Variants in MYO16 observed in about 807,000 individuals in gnomAD.
The protein encoded by MYO16 is myosin XVI.
A neutral mutation model predicts 205.3 loss-of-function variants in MYO16; 94 were observed. That is an observed-to-expected ratio of 0.46 (90% CI 0.39 to 0.54). MYO16 has a LOEUF of 0.54. MYO16 is among the 20% of genes least tolerant of loss of function. The pLI is 0.00. For synonymous variants in MYO16, 988 were observed against 954.0 expected, an observed-to-expected ratio of 1.04 and a Z score of -0.66; for missense variants, 2,315 against 2,387.5, an observed-to-expected ratio of 0.97 and a Z score of 0.63.
intron 16 of MYO16, among the ~76,000 whole-genome samples, chr13:108,950,435 G>GTTT (rs879772535): frequency 1.3e-5 from 2 of 152,144 alleles, no homozygotes; most frequent in Non-Finnish European, 2.9e-5. Context: ...TAAGCATGTG[G>GTTT]AAAGGTGTTG....
chr13:109,140,398 G>A lies in MYO16; in HGVS notation c.4186G>A (p.Ala1396Thr). Residue 1396 changes from alanine to threonine, a missense_variant, in exon 32 of 35, where the codon GCG becomes ACG. By Grantham distance (58) the Ala-to-Thr change is moderately conservative. Around this residue, in one of 3 missense-constraint regions of MYO16, gnomAD observed 1,097 missense variants for 1,092.0 expected, o/e 1.00. Transcript: ENST00000457511. This position sits in a 1 kb window ranked among gnomAD's most constrained non-coding sequence, Gnocchi z 8.0. ...GATATCGGGGTCCCGGCCCGGGGAC[G>A]CGAGGCCCGCGGGCGCCCCGGGGGC... ...EEISGSRPGD[A>T]RPAGAPGAAA... is the part of the protein sequence containing the mutation. 2.5e-6 allele frequency: 4 copies of A among 1,591,104 alleles called. No homozygotes were observed. The highest frequency in any genetic ancestry group is 2.6e-6 in the Non-Finnish European group (3 of 1,174,216).
upstream of MYO16, among the ~76,000 whole-genome samples, chr13:108,626,172 CAT>C (rs1431270411): frequency 1.6e-4 from 25 of 151,928 alleles, no homozygotes; most frequent in African/African-American, 5.8e-4. Flanking sequence ...GAAAAAAAAT[CAT>C]GTGTTCATAT....
At chr13:108,717,905 C>A (rs571389954) in intron 3 of MYO16, among the ~76,000 whole-genome samples, 3 of 152,118 alleles carry the variant, frequency 2.0e-5, no homozygotes, top group Non-Finnish European at 4.4e-5. Context: ...AAGAAACATG[C>A]GTGTTTCATA....
chr13:108,888,561 A>G (rs1880011522), intron 14 of MYO16, 84 bp downstream of exon 14: 2 of 907,560 alleles, frequency 2.2e-6, no homozygotes, highest in East Asian at 5.2e-5. Flanking sequence ...GGGACATCAT[A>G]ATAGATACAA....
intron 23 of MYO16, among the ~76,000 whole-genome samples, chr13:109,043,771 C>A (rs150408416): frequency 0.035 from 5,276 of 152,170 alleles, 134 homozygotes; most frequent in South Asian, 0.057. Context: ...AGATGGCACC[C>A]TGGTTTCTAA....
Position 109,141,170 on chromosome 13 carries a change from C to T in MYO16, c.4958C>T (p.Ser1653Phe). 3.7e-6 allele frequency: 6 copies of T among 1,609,652 alleles called. No homozygotes were observed. The highest frequency in any genetic ancestry group is 2.3e-5 in the East Asian group (1 of 44,234). ...GCCCCCGTGGCCGGGCCCTGCAGCT[C>T]CTTCCCCAAGATCCCATATTCCCCC... is the stretch of plus-strand genomic sequence containing the variant. ...NSAPVAGPCS[S>F]FPKIPYSPVK... The change falls in exon 32 of 35, where the codon TCC (serine) becomes TTC (phenylalanine). Residue 1653 changes from serine to phenylalanine, a missense_variant. Transcript: ENST00000457511. The surrounding 1 kb of genome is among the most constrained non-coding windows in gnomAD (Gnocchi z 4.1).
chr13:108,660,703 G>C (rs1881465153), intron 1 of MYO16, among the ~76,000 whole-genome samples: 1 of 152,146 alleles, frequency 6.6e-6, no homozygotes, highest in Admixed American at 6.5e-5. Flanking sequence ...GCAGCAGATA[G>C]CTGGTTGGTG....
the MYO16 span, among the ~76,000 whole-genome samples, chr13:108,530,834 T>C: frequency 1.3e-5 from 2 of 152,222 alleles, no homozygotes. Flanking sequence ...ATTTATATAG[T>C]TGGGTCTTAA....
At chr13:108,633,272 C>G (rs1378811460) in intron 1 of MYO16, among the ~76,000 whole-genome samples, 1 of 152,104 alleles carries the variant, frequency 6.6e-6, no homozygotes, top group Non-Finnish European at 1.5e-5. Flanking sequence ...CACACAATCA[C>G]AAGGTGAGGT....
At chr13:108,992,084 T>C (rs994054138) in intron 20 of MYO16, among the ~76,000 whole-genome samples, 1 of 152,198 alleles carries the variant, frequency 6.6e-6, no homozygotes, top group Non-Finnish European at 1.5e-5. Flanking sequence ...AAACTATGCA[T>C]TGGACAAAGG....
intron 28 of MYO16, 28 bp downstream of exon 28, chr13:109,100,915 A>C: frequency 6.3e-7 from 1 of 1,578,828 alleles, no homozygotes; most frequent in Non-Finnish European, 8.7e-7. Context: ...TATGAAAATA[A>C]CATTTTAGGA....
intron 1 of MYO16, among the ~76,000 whole-genome samples, chr13:108,639,323 A>C (rs1880398056): frequency 6.6e-6 from 1 of 152,108 alleles, no homozygotes; most frequent in Admixed American, 6.5e-5. Flanking sequence ...ATTAGTGAAA[A>C]ATTCTGTGTT....
intron 30 of MYO16, among the ~76,000 whole-genome samples, chr13:109,126,475 T>A (rs1051586609): frequency 1.3e-5 from 2 of 152,214 alleles, no homozygotes; most frequent in Non-Finnish European, 2.9e-5. Flanking sequence ...TACGTTGACA[T>A]GCGAAGCCAG....
chr13:109,148,697 C>G (rs1441736660), intron 32 of MYO16, among the ~76,000 whole-genome samples: 1 of 152,182 alleles, frequency 6.6e-6, no homozygotes, highest in Non-Finnish European at 1.5e-5. Flanking sequence ...TCGGATCCTC[C>G]CAAAATGTCA....
At chr13:109,122,976 T>C (rs1220953399) in intron 29 of MYO16, among the ~76,000 whole-genome samples, 2 of 152,230 alleles carry the variant, frequency 1.3e-5, no homozygotes, top group African/African-American at 2.4e-5. Context: ...CTGTAACTTT[T>C]AGTTTTAAAT....
intron 15 of MYO16, among the ~76,000 whole-genome samples, chr13:108,905,437 A>G (rs1360309048): frequency 2.0e-5 from 3 of 152,190 alleles, no homozygotes; most frequent in Admixed American, 1.3e-4. Flanking sequence ...CATCTTCATG[A>G]ATCTTATTTG....
intron 27 of MYO16, among the ~76,000 whole-genome samples, chr13:109,084,319 C>T (rs779275768): frequency 5.7e-4 from 85 of 150,022 alleles, no homozygotes; most frequent in Non-Finnish European, 1.2e-3. Context: ...ATGGCACCAA[C>T]ACAACTGCCG....
chr13:109,053,908 A>T (rs1887330824), intron 25 of MYO16, among the ~76,000 whole-genome samples: 1 of 152,116 alleles, frequency 6.6e-6, no homozygotes, highest in Non-Finnish European at 1.5e-5. Flanking sequence ...GTACCAATGA[A>T]TCACTTTAGA....
the MYO16 span, among the ~76,000 whole-genome samples, chr13:108,525,156 A>G: frequency 6.6e-6 from 1 of 152,198 alleles, no homozygotes; most frequent in Non-Finnish European, 1.5e-5. Flanking sequence ...GGACACCACG[A>G]GATAACGTGT....
Sources: allele counts gnomAD v4.1 joint callset (sites outside exome capture counted in the v4.1 genomes callset), GRCh38; gene constraint gnomAD v4.1.1; regional missense constraint gnomAD v4.1.1; non-coding constraint Gnocchi (gnomAD v3.1); transcripts MANE v1.5; gene names NCBI Gene and HGNC (gene_info 2026-07-23, HGNC 2026-07-21).